NRXN3: variants seen among roughly 807,000 people sequenced by gnomAD.
NRXN3 encodes the protein neurexin 3, also known as neurexin III.
In NRXN3, 32 loss-of-function variants were observed where a neutral mutation model predicts 137.6. The observed-to-expected ratio is 0.23, with a 90% CI of 0.18 to 0.31. The LOEUF is 0.31. Ranked by LOEUF, NRXN3 falls within the 10% of genes least tolerant of loss-of-function variation. The pLI is 1.00. For synonymous variants in NRXN3, 798 were observed against 784.5 expected, an observed-to-expected ratio of 1.02 and a Z score of -0.29; for missense variants, 1,574 against 2,062.5, an observed-to-expected ratio of 0.76 and a Z score of 4.59.
At chr14:79,596,546 C>A (rs1359203238) in intron 16 of NRXN3, among the ~76,000 whole-genome samples, 1 of 151,850 alleles carries the variant, frequency 6.6e-6, no homozygotes, top group Non-Finnish European at 1.5e-5. Context: ...GCAGAATAAA[C>A]CTGAGAGGGG....
At chr14:79,273,233 T>G in intron 15 of NRXN3, among the ~76,000 whole-genome samples, 1 of 147,422 alleles carries the variant, frequency 6.8e-6, no homozygotes, top group Admixed American at 6.7e-5. Context: ...CTCCCTGCCC[T>G]GGAGATTTGT....
chr14:79,713,608 T>TAC (rs2098813484), intron 19 of NRXN3, among the ~76,000 whole-genome samples: 4 of 134,880 alleles, frequency 3.0e-5, no homozygotes, highest in Non-Finnish European at 3.2e-5. Flanking sequence ...TACATATACA[T>TAC]ATACATATGT....
rs948700236 is a variant in NRXN3, at chr14:78,236,841, A to G, written c.-703-5550A>G. On this transcript the variant is annotated intron_variant, in intron 1 of 20. Transcript: ENST00000335750. Reference sequence around the variant, plus strand: ...TCAGCTGTGCCTGCCTCCAAAGCCCATGTTCTCTCTCACTAGCCTGAACTA... The same window carrying G: ...TCAGCTGTGCCTGCCTCCAAAGCCCGTGTTCTCTCTCACTAGCCTGAACTA... 3.3e-5 allele frequency among the ~76,000 whole-genome samples: 5 copies of G among 150,948 alleles called. No homozygotes were observed. In the Admixed American group the frequency reaches 3.3e-4, roughly 10 times the overall value.
At chr14:78,272,419 T>C (rs1181821305) in intron 2 of NRXN3, among the ~76,000 whole-genome samples, 1 of 152,128 alleles carries the variant, frequency 6.6e-6, no homozygotes, top group African/African-American at 2.4e-5. Context: ...CCAGAGCATA[T>C]TCTATAAGGG....
At chr14:78,465,921 G>A (rs1420090368) in intron 4 of NRXN3, among the ~76,000 whole-genome samples, 1 of 151,352 alleles carries the variant, frequency 6.6e-6, no homozygotes, top group African/African-American at 2.4e-5. Flanking sequence ...ACGCGATCTC[G>A]GCTCACTGCA....
chr14:79,524,559 G>A (rs2097100834), intron 16 of NRXN3, among the ~76,000 whole-genome samples: 1 of 151,956 alleles, frequency 6.6e-6, no homozygotes, highest in South Asian at 2.1e-4. Context: ...TAATTCTGGG[G>A]ATAATATTGT....
intron 15 of NRXN3, among the ~76,000 whole-genome samples, chr14:79,381,230 A>T (rs1185320612): frequency 6.6e-6 from 1 of 151,362 alleles, no homozygotes; most frequent in Non-Finnish European, 1.5e-5. Context: ...TTGAAAAATA[A>T]TAGAATCCCT....
At chr14:79,080,466 T>C (rs971433032) in intron 15 of NRXN3, among the ~76,000 whole-genome samples, 3 of 152,030 alleles carry the variant, frequency 2.0e-5, no homozygotes, top group Non-Finnish European at 4.4e-5. Context: ...TTGTGGGAGA[T>C]CCCCAAAATA....
chr14:79,167,451 A>G (rs1192706141), intron 15 of NRXN3, among the ~76,000 whole-genome samples: 1 of 152,000 alleles, frequency 6.6e-6, no homozygotes, highest in Admixed American at 6.6e-5. Context: ...AGAGCCTCCC[A>G]TATTTAACAG....
intron 16 of NRXN3, among the ~76,000 whole-genome samples, chr14:79,470,922 G>A (rs1349627228): frequency 1.0e-5 from 1 of 99,486 alleles, no homozygotes; most frequent in Non-Finnish European, 1.9e-5. Context: ...GTGTGTGTGA[G>A]AGAGAGAGAG....
intron 4 of NRXN3, among the ~76,000 whole-genome samples, chr14:78,556,280 G>A (rs2096736279): frequency 6.6e-6 from 1 of 152,178 alleles, no homozygotes; most frequent in African/African-American, 2.4e-5. Context: ...GGTTAAATTG[G>A]AAATTGCTCT....
intron 4 of NRXN3, among the ~76,000 whole-genome samples, chr14:78,383,234 G>A (rs1049712847): frequency 6.6e-6 from 1 of 152,252 alleles, no homozygotes; most frequent in Admixed American, 6.5e-5. Context: ...TGGTGTCTTT[G>A]CTTTATCAGG....
At chr14:79,624,053 G>A (rs1352280421) in intron 16 of NRXN3, among the ~76,000 whole-genome samples, 1 of 152,048 alleles carries the variant, frequency 6.6e-6, no homozygotes, top group African/African-American at 2.4e-5. Flanking sequence ...TACTGTTAAA[G>A]ATAAAGACTG....
At chr14:78,927,117 T>A (rs891906736) in intron 10 of NRXN3, among the ~76,000 whole-genome samples, 2 of 128,160 alleles carry the variant, frequency 1.6e-5, no homozygotes, top group Non-Finnish European at 3.1e-5. Flanking sequence ...ATTGTGCCAC[T>A]GCACTCCGGC....
At chr14:79,625,327 A>G (rs1161945882) in intron 16 of NRXN3, among the ~76,000 whole-genome samples, 2 of 152,202 alleles carry the variant, frequency 1.3e-5, no homozygotes, top group African/African-American at 2.4e-5. Context: ...TAGTGGTTAA[A>G]AAAAATAGGA....
rs558552630 is a variant in NRXN3 at position 78,275,946 on chromosome 14, C to T, written c.710-2699C>T. Among the ~76,000 whole-genome samples the T allele has an allele frequency of 1.4e-4, 21 of 152,270 alleles. No individual in the cohort carries two copies. In the South Asian group the frequency reaches 1.9e-3, roughly 14 times the overall value. On this transcript the variant is annotated intron_variant, in intron 2 of 20. Coordinates refer to ENST00000335750, the MANE Select transcript of NRXN3 (RefSeq NM_001330195.2). Reference sequence around the variant, plus strand: ...CGTCTACCTCTTACCTTTGCCATTTCGTTCTGTCAATCAGAATTGAGTCCA... The same window carrying T: ...CGTCTACCTCTTACCTTTGCCATTTTGTTCTGTCAATCAGAATTGAGTCCA...
intron 10 of NRXN3, among the ~76,000 whole-genome samples, chr14:78,910,199 A>G (rs371807333): frequency 2.6e-5 from 4 of 152,028 alleles, no homozygotes; most frequent in Non-Finnish European, 4.4e-5. Context: ...CTTCCATTGT[A>G]GATATAGCAG....
At chr14:79,273,665 T>G (rs1381636799) in intron 15 of NRXN3, among the ~76,000 whole-genome samples, 1 of 151,962 alleles carries the variant, frequency 6.6e-6, no homozygotes, top group East Asian at 1.9e-4. Context: ...TAAAATAATT[T>G]TTATTATTGA....
At chr14:78,282,666 G>A (rs1485636808) in intron 3 of NRXN3, among the ~76,000 whole-genome samples, 2 of 152,148 alleles carry the variant, frequency 1.3e-5, no homozygotes, top group African/African-American at 2.4e-5. Context: ...TACCTTTGCT[G>A]GAGCCTTCCC....
Sources: allele counts gnomAD v4.1 joint callset (sites outside exome capture counted in the v4.1 genomes callset), GRCh38; gene constraint gnomAD v4.1.1; transcripts MANE v1.5; gene names NCBI Gene and HGNC (gene_info 2026-07-23, HGNC 2026-07-21).